TBL1X: variants seen among roughly 807,000 people sequenced by gnomAD.
TBL1X encodes the protein F-box-like/WD repeat-containing protein TBL1X.
Under a neutral mutation model 50.7 loss-of-function variants are expected in TBL1X, and 10 were observed. The observed-to-expected ratio is 0.20, with a 90% CI of 0.12 to 0.33. The LOEUF (loss-of-function observed/expected upper bound fraction) is 0.33, where lower values mean the gene tolerates loss of function less well. TBL1X is among the 10% of genes least tolerant of loss of function. The pLI, the probability that TBL1X is intolerant of heterozygous loss-of-function variation, is 1.00. For missense variants in TBL1X, 340 were observed against 504.4 expected, an observed-to-expected ratio of 0.67 and a Z score of 3.12; for synonymous variants, 190 against 214.7, an observed-to-expected ratio of 0.88 and a Z score of 1.01.
intron 3 of TBL1X, among the ~76,000 whole-genome samples, chrX:9,640,835 T>C (rs1569084243): frequency 9.0e-6 from 1 of 111,499 alleles, no homozygotes; most frequent in Non-Finnish European, 1.9e-5. Context: ...GGTTTCACCA[T>C]GTTGTCCAGG....
At chrX:9,539,219 A>G (rs1305338406) in intron 2 of TBL1X, among the ~76,000 whole-genome samples, 1 of 111,904 alleles carries the variant, frequency 8.9e-6, no homozygotes, top group Non-Finnish European at 1.9e-5. Context: ...GTGTGGTTCT[A>G]TGAAGGTCGT....
At chrX:9,631,214 T>G (rs1233108565) in intron 2 of TBL1X, among the ~76,000 whole-genome samples, 1 of 111,396 alleles carries the variant, frequency 9.0e-6, no homozygotes, top group East Asian at 2.8e-4. Context: ...ATGGGGGGTT[T>G]GTTGTACAGA....
chrX:9,624,475 T>G (rs2082682530), intron 2 of TBL1X, among the ~76,000 whole-genome samples: 1 of 112,204 alleles, frequency 8.9e-6, no homozygotes, highest in South Asian at 3.7e-4. Flanking sequence ...TAATTTACAT[T>G]TAACCTATTA....
intron 8 of TBL1X, 139 bp downstream of exon 8, chrX:9,691,850 GGCTCTATGA>G (rs2083100162): frequency 1.1e-6 from 1 of 901,334 alleles, no homozygotes; most frequent in Admixed American, 3.5e-5. Context: ...AGGAATGGGT[GGCTCTATGA>G]GCCACTTCTC....
intron 1 of TBL1X, among the ~76,000 whole-genome samples, chrX:9,474,569 T>C (rs764105857): frequency 1.8e-5 from 2 of 113,503 alleles, no homozygotes; most frequent in Non-Finnish European, 3.7e-5. Context: ...ATTTTGCGTG[T>C]TGTTTTTAAA....
chrX:9,472,007 G>A (rs1324943219), intron 1 of TBL1X, among the ~76,000 whole-genome samples: 4 of 110,984 alleles, frequency 3.6e-5, no homozygotes, highest in Admixed American at 1.9e-4. Flanking sequence ...TCTCCAAGAC[G>A]CTGAAACCTT....
intron 2 of TBL1X, among the ~76,000 whole-genome samples, chrX:9,600,517 G>C (rs2082551253): frequency 9.5e-6 from 1 of 105,623 alleles, no homozygotes. Context: ...GGACATTACA[G>C]CTTGAAAAAG....
chrX:9,622,538 C>T (rs1274169700), intron 2 of TBL1X, among the ~76,000 whole-genome samples: 1 of 111,813 alleles, frequency 8.9e-6, no homozygotes, highest in Non-Finnish European at 1.9e-5. Flanking sequence ...TCAGTGCAAC[C>T]TCCGCCTCTC....
intron 5 of TBL1X, among the ~76,000 whole-genome samples, chrX:9,665,510 T>C (rs1308800129): frequency 2.6e-5 from 1 of 39,054 alleles, no homozygotes; most frequent in African/African-American, 7.9e-5. Flanking sequence ...TATATATATA[T>C]ATATATATAT....
Position 9,577,382 on chromosome X carries a change from G to A in TBL1X, c.-130-62891G>A, listed in dbSNP as rs186396995. ...AGGGAGTTTCACGATGCTGGTAGGA[G>A]GCACAGTGAGCTTCTGGAAGAGCCG... On this transcript the variant is annotated intron_variant, in intron 2 of 17. Coordinates refer to ENST00000645353, the MANE Select transcript of TBL1X (RefSeq NM_005647.4). 6.3e-3 allele frequency among the ~76,000 whole-genome samples: 709 copies of A among 112,191 alleles called. 2 individuals carry two copies. The highest frequency in any genetic ancestry group is 0.011 in the Non-Finnish European group (588 of 53,196).
intron 2 of TBL1X, among the ~76,000 whole-genome samples, chrX:9,502,861 C>T (rs2082008109): frequency 8.9e-6 from 1 of 112,477 alleles, no homozygotes; most frequent in Non-Finnish European, 1.9e-5. Context: ...AAGCAGAGAA[C>T]ATCCCTCACC....
In TBL1X at chrX:9,716,302, A is replaced by G. The variant is rs765977947; in HGVS notation, c.*56A>G. On this transcript the variant is annotated 3_prime_UTR_variant, in exon 18 of 18. Transcript: ENST00000645353. Reference sequence around the variant, plus strand: ...TTCTAATGACCAGCCGTGAATGTGTAGGGTTGCAGCTCTATTCTCCAAAAC... The same window carrying G: ...TTCTAATGACCAGCCGTGAATGTGTGGGGTTGCAGCTCTATTCTCCAAAAC... 3.5e-4 allele frequency: 400 copies of G among 1,141,416 alleles called. No homozygotes were observed. The highest frequency in any genetic ancestry group is 4.6e-4 in the Non-Finnish European group (389 of 841,015). The allele number at this position is 1,141,416 out of a possible 1,213,427, so 94.1% of individuals were successfully genotyped here.
intron 1 of TBL1X, among the ~76,000 whole-genome samples, chrX:9,479,464 A>G: frequency 8.9e-6 from 1 of 112,541 alleles, no homozygotes; most frequent in Non-Finnish European, 1.9e-5. Context: ...AATAAAATAA[A>G]ATTGGCTTAA....
At chrX:9,703,116 G>A (rs1447126826) in intron 12 of TBL1X, among the ~76,000 whole-genome samples, 1 of 111,062 alleles carries the variant, frequency 9.0e-6, no homozygotes, top group Non-Finnish European at 1.9e-5. Context: ...TGATAGTCAG[G>A]GTTCCGGACA....
intron 2 of TBL1X, among the ~76,000 whole-genome samples, chrX:9,518,119 A>G (rs2082089562): frequency 9.0e-6 from 1 of 110,581 alleles, no homozygotes. Context: ...AAAAAAAAGA[A>G]AAGAAAAAAA....
chrX:9,537,017 G>A (rs2082191661), intron 2 of TBL1X, among the ~76,000 whole-genome samples: 1 of 111,788 alleles, frequency 8.9e-6, no homozygotes. Context: ...AGCAATTACT[G>A]TAAGGTCAAT....
At chrX:9,515,829 T>C (rs2082078803) in intron 2 of TBL1X, among the ~76,000 whole-genome samples, 1 of 111,443 alleles carries the variant, frequency 9.0e-6, no homozygotes, top group Admixed American at 9.5e-5. Flanking sequence ...AGAAAGTAGA[T>C]GAGTGGTTGC....
intron 1 of TBL1X, among the ~76,000 whole-genome samples, chrX:9,476,885 A>G (rs182380223): frequency 1.3e-3 from 152 of 112,618 alleles, no homozygotes; most frequent in African/African-American, 4.7e-3. Context: ...TATAAGTGAA[A>G]ATTTGAAGTT....
In TBL1X at chrX:9,578,575, A is replaced by G. The variant is rs925704553; in HGVS notation, c.-130-61698A>G. Among the ~76,000 whole-genome samples, 4 of 111,928 alleles carry G rather than the reference A, an allele frequency of 3.6e-5. No individual in the cohort carries two copies. In the Admixed American group the frequency reaches 3.8e-4, roughly 11 times the overall value. ...CAATAGAGCTCTGTCGACGGCGCTA[A>G]GTAGAACCAGACGCTGCAATAAGAC... On this transcript the variant is annotated intron_variant, in intron 2 of 17. Transcript: ENST00000645353.
Sources: gnomAD v4.1 joint callset for allele counts (sites outside exome capture counted in the v4.1 genomes callset) on GRCh38, gnomAD v4.1.1 for gene constraint, MANE v1.5 for transcripts, NCBI Gene and HGNC (gene_info 2026-07-23, HGNC 2026-07-21) for gene names.